GNPDA2: variants seen among roughly 807,000 people sequenced by gnomAD.
The protein encoded by GNPDA2 is glucosamine-6-phosphate deaminase 2, also known as glcN6P deaminase 2.
A neutral mutation model predicts 27.0 loss-of-function variants in GNPDA2; 24 were observed. That is an observed-to-expected ratio of 0.89 (90% CI 0.64 to 1.25). GNPDA2 has a LOEUF of 1.25. Ranked by LOEUF, GNPDA2 falls within the 50% of genes most tolerant of loss-of-function variation. The probability of loss-of-function intolerance (pLI) is 0.00; values close to 1 mark genes in which losing one functional copy is unlikely to be tolerated. For missense variants in GNPDA2, 286 were observed against 335.1 expected (o/e 0.85, Z 1.14); for synonymous variants, 94 against 108.4 (o/e 0.87, Z 0.83).
At chr4:44,721,754 A>T (rs1484866911) in intron 2 of GNPDA2, among the ~76,000 whole-genome samples, 2 of 152,082 alleles carry the variant, frequency 1.3e-5, no homozygotes, top group Non-Finnish European at 2.9e-5. Context: ...CCAATCAACT[A>T]AAAACTGGTA....
chr4:44,702,246 TTATA>T lies in GNPDA2; in HGVS notation c.*831_*834del. On this transcript the variant is annotated 3_prime_UTR_variant, in exon 7 of 7. Coordinates refer to ENST00000295448, the MANE Select transcript of GNPDA2 (RefSeq NM_138335.3). ...GCAATGTAGTTTACAGTAATTCCTT[TTATA>T]TATACTTCGTATTATTCTTTTAGAC... 3.2e-6 allele frequency: 2 copies of T among 628,946 alleles called. No individual in the cohort carries two copies. The highest frequency in any genetic ancestry group is 4.0e-6 in the Non-Finnish European group (2 of 504,068). The allele number at this position is 628,946 out of a possible 1,614,324, so 39.0% of individuals were successfully genotyped here. A position where few individuals can be genotyped will look rare whatever the true frequency, so the allele number is the denominator to read the frequency against.
At chr4:44,723,612 C>A (rs1577598331) in intron 1 of GNPDA2, among the ~76,000 whole-genome samples, 1 of 152,102 alleles carries the variant, frequency 6.6e-6, no homozygotes, top group East Asian at 1.9e-4. Flanking sequence ...ACCACATTTT[C>A]TTTATCCAAT....
chr4:44,702,866 A>AAT lies in GNPDA2; in HGVS notation c.*213_*214dup, dbSNP rs1024323487. Reference sequence around the variant, plus strand: ...TATGTGACTTCAGTACTTTATAATAAATAGCCAGTCAATCTTGAGAGCCAG... The same window carrying AAT: ...TATGTGACTTCAGTACTTTATAATAAATATAGCCAGTCAATCTTGAGAGCCAG... On this transcript the variant is annotated 3_prime_UTR_variant, in exon 7 of 7. Coordinates refer to ENST00000295448, the MANE Select transcript of GNPDA2 (RefSeq NM_138335.3). The AAT allele has an allele frequency of 2.2e-6, 3 of 1,387,944 alleles. No individual in the cohort carries two copies. The African/African-American group carries it at 4.5e-5, about 21-fold the overall frequency. 86.0% of individuals were successfully genotyped at this position (1,387,944 alleles called of 1,614,324 possible).
chr4:44,722,564 T>A (rs1717745464), intron 1 of GNPDA2, among the ~76,000 whole-genome samples: 1 of 152,186 alleles, frequency 6.6e-6, no homozygotes, highest in Non-Finnish European at 1.5e-5. Context: ...TTTGCATCTG[T>A]ATTAAACAGG....
chr4:44,718,290 A>T lies in GNPDA2; in HGVS notation c.226+19T>A, dbSNP rs766891254. ...ATAACATACCCAAATAATGGTCAAT[A>T]TATTTAAGTATAGCTTACCTACATA... On this transcript the variant is annotated intron_variant, in intron 3 of 6. Coordinates refer to ENST00000295448, the MANE Select transcript of GNPDA2 (RefSeq NM_138335.3). 1 of 920,376 alleles carries T rather than the reference A, an allele frequency of 1.1e-6. No individual in the cohort carries two copies. The highest frequency in any genetic ancestry group is 1.7e-6 in the Non-Finnish European group (1 of 600,030). 57.0% of individuals were successfully genotyped at this position (920,376 alleles called of 1,614,324 possible). A position where few individuals can be genotyped will look rare whatever the true frequency, so the allele number is the denominator to read the frequency against.
chr4:44,706,552 A>G (rs1182234119), intron 6 of GNPDA2: 2 of 152,082 alleles, frequency 1.3e-5, no homozygotes, highest in African/African-American at 4.8e-5. Context: ...TACATGAAAT[A>G]TGAGTTGGTT....
intron 6 of GNPDA2, 61 bp downstream of exon 6, chr4:44,707,691 T>C (rs777593261): frequency 7.0e-7 from 1 of 1,429,506 alleles, no homozygotes; most frequent in South Asian, 1.2e-5. Context: ...ACAGTCACAG[T>C]AAGTTTTAAT....
chr4:44,717,295 C>A lies in GNPDA2; in HGVS notation c.227G>T (p.Gly76Val). 1.4e-6 allele frequency: 2 copies of A among 1,443,484 alleles called. No homozygotes were observed. The highest frequency in any genetic ancestry group is 1.4e-5 in the South Asian group (1 of 71,228). 89.4% of individuals were successfully genotyped at this position (1,443,484 alleles called of 1,614,324 possible). ...GCTTTCAGGATGATTTCTTGGAAGTCCTAAAGATGAAGTTAATAAAAATAT... is the reference window on the plus strand; with the variant it reads ...GCTTTCAGGATGATTTCTTGGAAGTACTAAAGATGAAGTTAATAAAAATAT... ...VKTFNMDEYV[G>V]LPRNHPESYH... The change falls in exon 4 of 7, where the codon GGA becomes GTA. Residue 76 changes from glycine (G) to valine (V), a missense_variant and splice_region_variant. Gly to Val is a moderately radical substitution (Grantham distance 109). Coordinates refer to ENST00000295448, the MANE Select transcript of GNPDA2 (RefSeq NM_138335.3).
intron 3 of GNPDA2, 113 bp downstream of exon 3, chr4:44,718,192 ACATT>A (rs1717431496): frequency 2.2e-6 from 1 of 447,274 alleles, no homozygotes; most frequent in Non-Finnish European, 4.0e-6. Context: ...ATATATTCAT[ACATT>A]AATATTATAT....
chr4:44,704,469 A>C, intron 6 of GNPDA2: 1 of 819,690 alleles, frequency 1.2e-6, no homozygotes, highest in Non-Finnish European at 1.5e-6. Flanking sequence ...AAATATTAAA[A>C]ATTCAACTCC....
At chr4:44,713,141 C>A (rs887733041) in intron 4 of GNPDA2, among the ~76,000 whole-genome samples, 8 of 152,150 alleles carry the variant, frequency 5.3e-5, no homozygotes, top group African/African-American at 1.9e-4. Context: ...TTCCACCTCC[C>A]ACCTTGTTCT....
At chr4:44,709,355 T>C (rs1716827506) in intron 5 of GNPDA2, among the ~76,000 whole-genome samples, 1 of 152,152 alleles carries the variant, frequency 6.6e-6, no homozygotes, top group East Asian at 1.9e-4. Flanking sequence ...TGATCTGATA[T>C]GTGATTAGTT....
At chr4:44,723,255 T>A (rs28368279) in intron 1 of GNPDA2, among the ~76,000 whole-genome samples, 83,803 of 151,370 alleles carry the variant, frequency 0.55, 24,025 homozygotes, top group Non-Finnish European at 0.64. Flanking sequence ...TCCTTTTTTT[T>A]AAAAAAATGG....
chr4:44,721,068 A>C (rs533569953), intron 2 of GNPDA2, among the ~76,000 whole-genome samples: 5 of 144,956 alleles, frequency 3.4e-5, no homozygotes, highest in South Asian at 2.2e-4. Flanking sequence ...AAAAAAAAAA[A>C]CCCTTTTGCC....
intron 1 of GNPDA2, among the ~76,000 whole-genome samples, chr4:44,724,548 T>C (rs957311681): frequency 2.2e-4 from 32 of 148,308 alleles, no homozygotes; most frequent in South Asian, 6.6e-4. Flanking sequence ...ATAATTCCCA[T>C]AATTCTTAGA....
chr4:44,710,613 T>C (rs1221527914), intron 5 of GNPDA2, among the ~76,000 whole-genome samples: 1 of 152,148 alleles, frequency 6.6e-6, no homozygotes, highest in Non-Finnish European at 1.5e-5. Flanking sequence ...GTAACTAGCA[T>C]TGCATCATTG....
chr4:44,703,920 G>A (rs1299249664), intron 6 of GNPDA2: 2 of 984,902 alleles, frequency 2.0e-6, no homozygotes, highest in Non-Finnish European at 2.4e-6. Context: ...ATATTTTGGA[G>A]GGTAAAGAAA....
intron 6 of GNPDA2, chr4:44,703,347 A>T (rs1400139548): frequency 7.4e-7 from 1 of 1,353,532 alleles, no homozygotes; most frequent in Non-Finnish European, 9.5e-7. Context: ...ATTTATAATT[A>T]TGTAACAGTG....
At chr4:44,706,658 G>GA (rs1455356591) in intron 6 of GNPDA2, 5 of 151,546 alleles carry the variant, frequency 3.3e-5, no homozygotes, top group Admixed American at 3.3e-4. Flanking sequence ...GTACCACTGA[G>GA]AAAAAAATGC....
Sources: allele counts gnomAD v4.1 joint callset (sites outside exome capture counted in the v4.1 genomes callset), GRCh38; gene constraint gnomAD v4.1.1; transcripts MANE v1.5; gene names NCBI Gene and HGNC (gene_info 2026-07-23, HGNC 2026-07-21).